The following SLIT1 variants were observed in gnomAD, a reference collection of about 807,000 sequenced individuals.
The protein encoded by SLIT1 is slit homolog 1 protein.
SLIT1 carries 66 observed loss-of-function variants against 186.1 expected under a neutral mutation model. The observed-to-expected ratio is 0.35, with a 90% CI of 0.29 to 0.44. SLIT1 has a LOEUF of 0.44. SLIT1 is among the 20% of genes least tolerant of loss of function. SLIT1 has a pLI of 1.00. For missense variants in SLIT1, 1,638 were observed against 2,037.4 expected, an observed-to-expected ratio of 0.80 and a Z score of 3.77; for synonymous variants, 761 against 833.8, an observed-to-expected ratio of 0.91 and a Z score of 1.50.
intron 4 of SLIT1, among the ~76,000 whole-genome samples, chr10:97,100,903 G>A (rs1849345999): frequency 6.6e-6 from 1 of 152,214 alleles, no homozygotes; most frequent in African/African-American, 2.4e-5. Context: ...GAGGAAAAGT[G>A]CTGCTGCGTA....
rs555741071 is a variant in SLIT1, at chr10:97,054,524, C to T, written c.1301+1797G>A. Among the ~76,000 whole-genome samples the T allele has an allele frequency of 1.2e-4, 19 of 152,312 alleles. No homozygotes were observed. The South Asian group carries it at 3.5e-3, about 28-fold the overall frequency. The stretch of plus-strand genomic sequence containing the variant: ...AGGATTGCTAATGAATTAATGGGTT[C>T]AAGCACTGAGATCAATGGCTGTTTT... On this transcript the variant is annotated intron_variant, in intron 13 of 36. Transcript: ENST00000266058.
intron 22 of SLIT1, among the ~76,000 whole-genome samples, chr10:97,036,674 G>A (rs1172610105): frequency 6.6e-5 from 10 of 152,216 alleles, no homozygotes; most frequent in East Asian, 5.8e-4. Context: ...ATGTGGGCCC[G>A]TAGATTGCAC....
intron 4 of SLIT1, among the ~76,000 whole-genome samples, chr10:97,152,351 C>G (rs1849890435): frequency 6.6e-6 from 1 of 152,180 alleles, no homozygotes; most frequent in Non-Finnish European, 1.5e-5. Flanking sequence ...GCACAAGGGA[C>G]AGGGGAAGCC....
intron 1 of SLIT1, among the ~76,000 whole-genome samples, chr10:97,174,606 G>T (rs570883344): frequency 7.9e-5 from 12 of 152,216 alleles, no homozygotes; most frequent in Non-Finnish European, 1.0e-4. Context: ...CCACCCTTGC[G>T]CCTGGGCTCC....
rs1391065898 is a variant in SLIT1 at position 97,030,779 on chromosome 10, C to G, written c.2560G>C (p.Asp854His). 12 of 1,613,980 alleles carry G rather than the reference C, an allele frequency of 7.4e-6. No individual in the cohort carries two copies. The highest frequency in any genetic ancestry group is 1.0e-5 in the Non-Finnish European group (12 of 1,179,994). The stretch of plus-strand genomic sequence containing the variant: ...CACAGGTGAGACAGGGAGGTCACGT[C>G]TGCAAAGATGCCCTCTTGGAGGGTG... ...ISTLQEGIFA[D>H]VTSLSHLAIG... The change falls in exon 25 of 37, where the codon GAC becomes CAC. Residue 854 changes from aspartate to histidine, a missense_variant. Asp to His is a moderately conservative substitution (Grantham distance 81, BLOSUM62 -1). Transcript: ENST00000266058.
intron 36 of SLIT1, 66 bp downstream of exon 36, chr10:97,002,092 A>G: frequency 9.5e-7 from 1 of 1,054,904 alleles, no homozygotes; most frequent in Non-Finnish European, 1.3e-6. Flanking sequence ...TGGGAGGAAG[A>G]GTCAAATTGC....
rs1268951481 is a variant in SLIT1 at position 97,141,736 on chromosome 10, T to TGTATC, written c.413+16077_413+16081dup. Among the ~76,000 whole-genome samples, 246 of 127,458 alleles carry TGTATC rather than the reference T, an allele frequency of 1.9e-3. 2 individuals carry two copies. Among genetic ancestry groups the TGTATC allele is most frequent in the South Asian group, 4.0e-3 (16 of 3,956 alleles). 83.6% of individuals were successfully genotyped at this position (127,458 alleles called of 152,430 possible). On this transcript the variant is annotated intron_variant, in intron 4 of 36. Transcript: ENST00000266058. ...TGTACTGTATTGTATTGTACTGTATTGTATCGTATCGTATCGTATCGTATC... is the reference window on the plus strand; with the variant it reads ...TGTACTGTATTGTATTGTACTGTATTGTATCGTATCGTATCGTATCGTATCGTATC...
intron 4 of SLIT1, chr10:97,103,656 C>T (rs374334840): frequency 1.6e-4 from 25 of 152,330 alleles, no homozygotes; most frequent in African/African-American, 6.0e-4. Context: ...GTGCAACGCC[C>T]TCAATTAATG....
intron 4 of SLIT1, among the ~76,000 whole-genome samples, chr10:97,089,294 C>A (rs1288359673): frequency 6.6e-6 from 1 of 152,240 alleles, no homozygotes; most frequent in African/African-American, 2.4e-5. Context: ...CCCCCCACGA[C>A]TGGGGGTGAG....
chr10:97,018,498 G>A (rs1848473752), intron 28 of SLIT1, 88 bp downstream of exon 28: 2 of 793,570 alleles, frequency 2.5e-6, no homozygotes, highest in African/African-American at 1.7e-5. Context: ...AGGAGGCCTG[G>A]GCCATCCCTG....
intron 1 of SLIT1, among the ~76,000 whole-genome samples, chr10:97,179,934 C>G (rs1437157800): frequency 1.3e-5 from 2 of 152,250 alleles, no homozygotes; most frequent in Non-Finnish European, 2.9e-5. Context: ...AGAGCCCCGC[C>G]GAGCTGCTAA....
chr10:97,166,615 G>GAAAGA (rs2134731411), intron 1 of SLIT1, among the ~76,000 whole-genome samples: 1 of 50,344 alleles, frequency 2.0e-5, no homozygotes, highest in Admixed American at 2.3e-4. Flanking sequence ...AAGAAAGAAA[G>GAAAGA]AAAGAAAGAG....
At chr10:97,074,605 G>A (rs1287583174) in intron 4 of SLIT1, among the ~76,000 whole-genome samples, 1 of 152,162 alleles carries the variant, frequency 6.6e-6, no homozygotes, top group Non-Finnish European at 1.5e-5. Context: ...CCAGCTCAAG[G>A]CAAGGGCCCT....
chr10:97,174,651 A>G (rs1019046145), intron 1 of SLIT1, among the ~76,000 whole-genome samples: 1 of 152,186 alleles, frequency 6.6e-6, no homozygotes, highest in African/African-American at 2.4e-5. Context: ...CTGGAGAAAT[A>G]GCAATTGCTA....
At chr10:97,056,194 T>C in intron 13 of SLIT1, 127 bp downstream of exon 13, 1 of 1,016,436 alleles carries the variant, frequency 9.8e-7, no homozygotes, top group Non-Finnish European at 1.4e-6. Context: ...GTGTCCTTCC[T>C]CTGTAAGAGG....
chr10:97,185,404 C>G lies in SLIT1; in HGVS notation c.197+74G>C, dbSNP rs534565748. On this transcript the variant is annotated intron_variant, in intron 1 of 36. Transcript: ENST00000266058. ...GGGCCCCAATGGTCCTGCCCCCACC[C>G]CCAAGTCCGGAATTGCGTCTGGGTG... 360 of 1,470,146 alleles carry G rather than the reference C, an allele frequency of 2.4e-4. 2 individuals are homozygous for G. In the African/African-American group the frequency reaches 4.2e-3, roughly 17 times the overall value. 91.1% of individuals were successfully genotyped at this position (1,470,146 alleles called of 1,614,324 possible).
intron 28 of SLIT1, among the ~76,000 whole-genome samples, chr10:97,018,219 A>G (rs1202209448): frequency 2.0e-5 from 3 of 152,184 alleles, no homozygotes; most frequent in Non-Finnish European, 2.9e-5. Flanking sequence ...TGCTTTGGCC[A>G]TGGAATCCGA....
chr10:97,040,158 G>T, intron 20 of SLIT1, 38 bp from the exon 21 acceptor site: 1 of 1,512,256 alleles, frequency 6.6e-7, no homozygotes, highest in Non-Finnish European at 8.8e-7. Context: ...CAGGGAGGTG[G>T]ACGGGCCGCT....
chr10:97,159,211 G>A (rs1849994499), intron 3 of SLIT1, among the ~76,000 whole-genome samples: 2 of 152,040 alleles, frequency 1.3e-5, no homozygotes, highest in Admixed American at 6.5e-5. Context: ...ATTGGTCTGT[G>A]GTTACCTCCT....
Sources: allele counts gnomAD v4.1 joint callset (sites outside exome capture counted in the v4.1 genomes callset), GRCh38; gene constraint gnomAD v4.1.1; transcripts MANE v1.5; gene names NCBI Gene and HGNC (gene_info 2026-07-23, HGNC 2026-07-21).